THSD4: variants seen among roughly 807,000 people sequenced by gnomAD.
THSD4 encodes the protein thrombospondin type-1 domain-containing protein 4.
THSD4 carries 69 observed loss-of-function variants against 119.0 expected under a neutral mutation model. That is an observed-to-expected ratio of 0.58 (90% CI 0.48 to 0.71). THSD4 has a LOEUF of 0.71. Ranked by LOEUF, THSD4 falls within the 30% of genes least tolerant of loss-of-function variation. The pLI is 0.00. For synonymous variants in THSD4, 524 were observed against 540.4 expected (o/e 0.97, Z 0.42); for missense variants, 1,393 against 1,391.1 (o/e 1.00, Z -0.02).
chr15:71,746,934 C>G lies in THSD4; in HGVS notation c.2133C>G (p.Ser711Arg). 1 of 1,613,912 alleles carries G rather than the reference C, an allele frequency of 6.2e-7. No homozygotes were observed. The highest frequency in any genetic ancestry group is 8.5e-7 in the Non-Finnish European group (1 of 1,180,032). The change falls in exon 13 of 18, where the codon AGC becomes AGG. Residue 711 changes from serine (S) to arginine (R), a missense_variant. By Grantham distance (110) the Ser-to-Arg change is moderately radical. Transcript: ENST00000261862. ...GCCGCCAGGTGTACGCCAACCGCAG[C>G]CTGACGGTGCAGCCCTACCGCTGCC... ...VLCRQVYANR[S>R]LTVQPYRCQH...
intron 6 of THSD4, among the ~76,000 whole-genome samples, chr15:71,278,761 A>G (rs1366448096): frequency 6.6e-6 from 1 of 152,250 alleles, no homozygotes; most frequent in Non-Finnish European, 1.5e-5. Flanking sequence ...CGCTAGGCAG[A>G]CAAACCTTGT....
At chr15:71,227,615 C>T (rs1205707289) in intron 4 of THSD4, among the ~76,000 whole-genome samples, 2 of 152,188 alleles carry the variant, frequency 1.3e-5, no homozygotes, top group Non-Finnish European at 2.9e-5. Context: ...ACTATTTGAG[C>T]CTCAACCAGC....
chr15:71,119,686 A>G (rs726225), intron 1 of THSD4, among the ~76,000 whole-genome samples: 128,095 of 152,192 alleles, frequency 0.84, 56,221 homozygotes, highest in East Asian at 1. Flanking sequence ...GAGAAAGACC[A>G]GGGTGGGTTT....
chr15:71,326,890 G>A (rs1596339144), intron 6 of THSD4, among the ~76,000 whole-genome samples: 1 of 149,646 alleles, frequency 6.7e-6, no homozygotes, highest in South Asian at 2.1e-4. Context: ...CAAACAGGCC[G>A]AGCATGGTGG....
intron 4 of THSD4, among the ~76,000 whole-genome samples, chr15:71,232,040 T>G (rs1251600258): frequency 6.6e-6 from 1 of 152,122 alleles, no homozygotes; most frequent in Non-Finnish European, 1.5e-5. Flanking sequence ...GGCTGCACAC[T>G]CCCTTCCTCC....
chr15:71,500,357 T>C (rs146029622), intron 7 of THSD4, among the ~76,000 whole-genome samples: 2 of 152,358 alleles, frequency 1.3e-5, no homozygotes, highest in East Asian at 3.9e-4. Context: ...TAAGAGTGTT[T>C]CGTATATTCT....
At chr15:71,410,170 T>C (rs1311367037) in intron 6 of THSD4, among the ~76,000 whole-genome samples, 2 of 152,212 alleles carry the variant, frequency 1.3e-5, no homozygotes, top group Non-Finnish European at 2.9e-5. Flanking sequence ...AAAAGGCCGA[T>C]ATTCATTTAT....
chr15:71,455,566 TC>T lies in THSD4; in HGVS notation c.1152+43747del, dbSNP rs1358000591. The stretch of plus-strand genomic sequence containing the variant: ...GTGGGTCCATATGCCATTAGACCCA[TC>T]CCCAGCATTAGGGATTCATTCCTTC... On this transcript the variant is annotated intron_variant, in intron 7 of 17. Coordinates refer to ENST00000261862, the MANE Select transcript of THSD4 (RefSeq NM_024817.3). Among the ~76,000 whole-genome samples, 7 of 152,192 alleles carry T rather than the reference TC, an allele frequency of 4.6e-5. No individual in the cohort carries two copies. The East Asian group carries it at 1.2e-3, about 25-fold the overall frequency.
intron 7 of THSD4, among the ~76,000 whole-genome samples, chr15:71,617,635 G>C (rs1002733675): frequency 2.0e-5 from 3 of 152,188 alleles, no homozygotes; most frequent in African/African-American, 4.8e-5. Context: ...TGATATGCAG[G>C]TGTGGTGCAA....
chr15:71,390,455 T>A (rs1234438039), intron 6 of THSD4, among the ~76,000 whole-genome samples: 2 of 152,198 alleles, frequency 1.3e-5, no homozygotes, highest in Non-Finnish European at 2.9e-5. Context: ...ATTGCATAGA[T>A]AAGCTGTGGC....
At chr15:71,737,602 G>A (rs1367699280) in intron 10 of THSD4, 130 bp from the exon 11 acceptor site, 9 of 1,287,374 alleles carry the variant, frequency 7.0e-6, no homozygotes, top group African/African-American at 1.5e-5. Flanking sequence ...ATTTTAAACA[G>A]ATGTGCTTAT....
At chr15:71,247,576 G>A (rs1392340473) in intron 5 of THSD4, among the ~76,000 whole-genome samples, 1 of 152,148 alleles carries the variant, frequency 6.6e-6, no homozygotes, top group Non-Finnish European at 1.5e-5. Flanking sequence ...AGGCGAGGGA[G>A]GATGTTTTAG....
intron 7 of THSD4, among the ~76,000 whole-genome samples, chr15:71,594,861 C>T (rs181758200): frequency 3.3e-5 from 5 of 152,096 alleles, no homozygotes; most frequent in East Asian, 1.9e-4. Context: ...ACAAGGAGCT[C>T]GGGAGCGGAA....
chr15:71,726,539 C>T (rs573467841), intron 8 of THSD4, among the ~76,000 whole-genome samples: 1 of 152,278 alleles, frequency 6.6e-6, no homozygotes, highest in Admixed American at 6.5e-5. Flanking sequence ...CATATGTATA[C>T]ATTTTTCCAT....
rs113512810 is a variant in THSD4, at chr15:71,532,509, G to A, written c.1152+120686G>A. Reference sequence around the variant, plus strand: ...TTTTTGTATTTTTAGTAGAGACGAGGTTTCACCATGTTGGCCAGGATGGTC... The same window carrying A: ...TTTTTGTATTTTTAGTAGAGACGAGATTTCACCATGTTGGCCAGGATGGTC... On this transcript the variant is annotated intron_variant, in intron 7 of 17. Coordinates refer to ENST00000261862, the MANE Select transcript of THSD4 (RefSeq NM_024817.3). 0.027 allele frequency among the ~76,000 whole-genome samples: 4,044 copies of A among 151,732 alleles called. 396 individuals are homozygous for A. In the East Asian group the frequency reaches 0.33, roughly 12 times the overall value.
intron 5 of THSD4, among the ~76,000 whole-genome samples, chr15:71,247,804 T>C (rs2044218892): frequency 6.6e-6 from 1 of 152,068 alleles, no homozygotes; most frequent in Non-Finnish European, 1.5e-5. Context: ...CTAAAAGTAA[T>C]AGGAACTCAA....
intron 6 of THSD4, among the ~76,000 whole-genome samples, chr15:71,397,587 A>C (rs543439827): frequency 6.6e-6 from 1 of 152,354 alleles, no homozygotes; most frequent in East Asian, 1.9e-4. Flanking sequence ...TGCTTCATAC[A>C]TGGCACCATG....
At chr15:71,137,302 A>T (rs766260419) in intron 1 of THSD4, among the ~76,000 whole-genome samples, 16 of 151,964 alleles carry the variant, frequency 1.1e-4, no homozygotes, top group Non-Finnish European at 1.9e-4. Context: ...TACAACCTAC[A>T]ATGGCTCTTT....
chr15:71,174,570 C>T (rs1289366665), intron 3 of THSD4, among the ~76,000 whole-genome samples: 2 of 39,568 alleles, frequency 5.1e-5, no homozygotes, highest in South Asian at 1.0e-3. Context: ...GAGGGGCGCC[C>T]GCCATTGCCC....
Sources: gnomAD v4.1 joint callset for allele counts (sites outside exome capture counted in the v4.1 genomes callset) on GRCh38, gnomAD v4.1.1 for gene constraint, MANE v1.5 for transcripts, NCBI Gene and HGNC (gene_info 2026-07-23, HGNC 2026-07-21) for gene names.